The following KHDRBS2 variants were observed in gnomAD, a reference collection of about 807,000 sequenced individuals.
KHDRBS2 encodes the protein KH RNA binding domain containing, signal transduction associated 2, also known as KH domain-containing, RNA-binding, signal transduction-associated protein 2.
KHDRBS2 carries 26 observed loss-of-function variants against 44.3 expected under a neutral mutation model. The observed-to-expected ratio is 0.59, with a 90% CI of 0.43 to 0.81. The LOEUF (loss-of-function observed/expected upper bound fraction) is 0.81. Among genes scored for constraint, KHDRBS2 ranks in the 40% least tolerant of loss-of-function variants. The probability of loss-of-function intolerance (pLI) is 0.00; values close to 1 mark genes in which losing one functional copy is unlikely to be tolerated. For synonymous variants in KHDRBS2, 194 were observed against 151.1 expected, an observed-to-expected ratio of 1.28 and a Z score of -2.08; for missense variants, 476 against 433.1, an observed-to-expected ratio of 1.10 and a Z score of -0.88.
rs200054090 is a variant in KHDRBS2 at position 62,049,501 on chromosome 6, A to AT, written c.220-1508_220-1507insA. Among the ~76,000 whole-genome samples the AT allele has an allele frequency of 9.3e-3, 1,407 of 151,724 alleles. 17 individuals are homozygous for AT. The highest frequency in any genetic ancestry group is 0.017 in the Middle Eastern group (5 of 294). On this transcript the variant is annotated intron_variant, in intron 2 of 8. Transcript: ENST00000281156. ...TAGAAAGCAAAGAGCACCAAAAAAA[A>AT]AAAATCCCTAATGTATCAGTGATGA... is the stretch of plus-strand genomic sequence containing the variant.
At chr6:61,828,343 G>T (rs1791248778) in intron 6 of KHDRBS2, among the ~76,000 whole-genome samples, 1 of 152,152 alleles carries the variant, frequency 6.6e-6, no homozygotes, top group South Asian at 2.1e-4. Context: ...TATCTTAAGA[G>T]GGTAGAAAAT....
intron 2 of KHDRBS2, among the ~76,000 whole-genome samples, chr6:62,073,530 C>CTTTTTTTTTTT (rs60124030): frequency 1.0e-3 from 125 of 124,326 alleles, no homozygotes; most frequent in East Asian, 1.6e-3. Flanking sequence ...TTTCTTTTTT[C>CTTTTTTTTTTT]TTTTTTTTTT....
chr6:61,899,738 C>CCCG (rs1803598552), intron 5 of KHDRBS2, among the ~76,000 whole-genome samples: 1 of 139,254 alleles, frequency 7.2e-6, no homozygotes, highest in African/African-American at 2.6e-5. Context: ...TTAATGCCCC[C>CCCG]CCCCCGCATT....
chr6:61,689,782 A>T (rs1316249345), intron 8 of KHDRBS2, among the ~76,000 whole-genome samples: 1 of 151,988 alleles, frequency 6.6e-6, no homozygotes, highest in East Asian at 1.9e-4. Context: ...TACCCATTGA[A>T]CTAAAGGTTT....
intron 3 of KHDRBS2, among the ~76,000 whole-genome samples, chr6:61,980,653 G>C (rs1234105999): frequency 6.6e-6 from 1 of 152,142 alleles, no homozygotes; most frequent in Non-Finnish European, 1.5e-5. Context: ...TAGGAGTCCA[G>C]TGTTCAGGAC....
intron 2 of KHDRBS2, among the ~76,000 whole-genome samples, chr6:62,170,845 T>C (rs1297703746): frequency 6.6e-6 from 1 of 150,694 alleles, no homozygotes; most frequent in Non-Finnish European, 1.5e-5. Flanking sequence ...AGCCCAGGAG[T>C]GCAGAACTGA....
At chr6:61,774,716 A>C (rs1369487614) in intron 6 of KHDRBS2, among the ~76,000 whole-genome samples, 3 of 152,172 alleles carry the variant, frequency 2.0e-5, no homozygotes, top group Non-Finnish European at 4.4e-5. Flanking sequence ...AGAGGTACAA[A>C]GAGGAGCTGG....
chr6:61,994,581 T>C (rs977318915), intron 3 of KHDRBS2, among the ~76,000 whole-genome samples: 1 of 152,128 alleles, frequency 6.6e-6, no homozygotes, highest in Non-Finnish European at 1.5e-5. Context: ...TTTTTGGGGG[T>C]GGTCTCTGAC....
At chr6:62,149,942 T>C (rs1298298384) in intron 2 of KHDRBS2, among the ~76,000 whole-genome samples, 1 of 152,206 alleles carries the variant, frequency 6.6e-6, no homozygotes, top group Non-Finnish European at 1.5e-5. Context: ...AACTCCTTTT[T>C]TTTCATGTGT....
At chr6:62,106,147 T>C (rs1207190076) in intron 2 of KHDRBS2, among the ~76,000 whole-genome samples, 1 of 152,198 alleles carries the variant, frequency 6.6e-6, no homozygotes, top group Non-Finnish European at 1.5e-5. Flanking sequence ...GAGAGACAGT[T>C]TGTTATAATT....
At chr6:62,004,188 T>A (rs567372645) in intron 3 of KHDRBS2, among the ~76,000 whole-genome samples, 1 of 151,732 alleles carries the variant, frequency 6.6e-6, no homozygotes, top group African/African-American at 2.4e-5. Context: ...ACACGAAAAA[T>A]CCTTCAAAAA....
intron 1 of KHDRBS2, among the ~76,000 whole-genome samples, chr6:62,259,465 A>G (rs1400843829): frequency 2.0e-5 from 3 of 151,858 alleles, no homozygotes; most frequent in African/African-American, 7.3e-5. Context: ...CCATCATTCA[A>G]TTTATAATTT....
chr6:62,194,472 T>C (rs2150133500), intron 1 of KHDRBS2, among the ~76,000 whole-genome samples: 1 of 146,142 alleles, frequency 6.8e-6, no homozygotes, highest in East Asian at 2.0e-4. Context: ...TTTTCTTTTC[T>C]TTTCTTCCTT....
chr6:62,222,045 T>A (rs533123861), intron 1 of KHDRBS2, among the ~76,000 whole-genome samples: 2 of 152,188 alleles, frequency 1.3e-5, no homozygotes, highest in Non-Finnish European at 2.9e-5. Flanking sequence ...AGACATGTAA[T>A]TCTCCATACA....
chr6:61,627,505 G>T, the KHDRBS2 span, among the ~76,000 whole-genome samples: 1 of 152,176 alleles, frequency 6.6e-6, no homozygotes, highest in Non-Finnish European at 1.5e-5. Flanking sequence ...TTACAGGGTT[G>T]GGGCTTTGAG....
At chr6:62,023,833 C>A (rs181653951) in intron 3 of KHDRBS2, among the ~76,000 whole-genome samples, 3 of 150,552 alleles carry the variant, frequency 2.0e-5, no homozygotes, top group South Asian at 2.1e-4. Flanking sequence ...CTTAGATATG[C>A]GCAAATAATT....
At chr6:61,940,709 T>A (rs1811970731) in intron 4 of KHDRBS2, among the ~76,000 whole-genome samples, 1 of 152,144 alleles carries the variant, frequency 6.6e-6, no homozygotes, top group South Asian at 2.1e-4. Flanking sequence ...AGGTCTGAGA[T>A]GCAATATAAG....
chr6:61,919,306 G>A (rs902858444), intron 4 of KHDRBS2, among the ~76,000 whole-genome samples: 1 of 151,814 alleles, frequency 6.6e-6, no homozygotes, highest in Non-Finnish European at 1.5e-5. Context: ...GACATCTGAA[G>A]AATCCAAAAA....
the KHDRBS2 span, among the ~76,000 whole-genome samples, chr6:61,548,817 A>G: frequency 1.3e-5 from 2 of 152,128 alleles, no homozygotes; most frequent in African/African-American, 4.8e-5. Context: ...AAAAAACACA[A>G]ATCATTGGCC....
Sources: allele counts gnomAD v4.1 joint callset (sites outside exome capture counted in the v4.1 genomes callset), GRCh38; gene constraint gnomAD v4.1.1; transcripts MANE v1.5; gene names NCBI Gene and HGNC (gene_info 2026-07-23, HGNC 2026-07-21).